ATP2A2: variants seen among roughly 807,000 people sequenced by gnomAD.
ATP2A2 encodes the protein sarcoplasmic/endoplasmic reticulum calcium ATPase 2.
ATP2A2 carries 14 observed loss-of-function variants against 109.3 expected under a neutral mutation model. The ratio of observed to expected loss-of-function variants is 0.13; its 90% CI spans 0.08 to 0.20. The LOEUF is 0.20. Ranked by LOEUF, ATP2A2 falls within the 10% of genes least tolerant of loss-of-function variation. The pLI, the probability that ATP2A2 is intolerant of heterozygous loss-of-function variation, is 1.00. For synonymous variants in ATP2A2, 506 were observed against 490.9 expected (o/e 1.03, Z -0.41); for missense variants, 657 against 1,321.6 (o/e 0.50, Z 7.80).
chr12:110,336,806 T>C (rs1405553591), intron 11 of ATP2A2, among the ~76,000 whole-genome samples: 1 of 152,234 alleles, frequency 6.6e-6, no homozygotes, highest in East Asian at 1.9e-4. Flanking sequence ...CTTTGGCTTC[T>C]TCCCTCTACC....
chr12:110,307,538 T>C (rs564678215), intron 5 of ATP2A2, among the ~76,000 whole-genome samples: 1 of 152,302 alleles, frequency 6.6e-6, no homozygotes, highest in East Asian at 1.9e-4. Context: ...CCAGCAATAA[T>C]AGTCACTCTG....
At position 110,342,950 on chromosome 12, in the gene ATP2A2, G is replaced by GCACCAGC. The variant is rs1256570953; in HGVS notation, c.2319-281_2319-280insACCAGCC. 6.6e-6 allele frequency among the ~76,000 whole-genome samples: 1 copy of GCACCAGC among 152,004 alleles called. No homozygotes were observed. Among genetic ancestry groups the GCACCAGC allele is most frequent in the Admixed American group, 6.6e-5 (1 of 15,252 alleles). On this transcript the variant is annotated intron_variant, in intron 15 of 19. Coordinates refer to ENST00000539276, the MANE Select transcript of ATP2A2 (RefSeq NM_170665.4). This position sits in a 1 kb window ranked among gnomAD's most constrained non-coding sequence, Gnocchi z 4.6. ...AATGAGGTTTCACCATGTTGCCCAG[G>GCACCAGC]CTGGTCTCTTAACTGCTGAGCTCAG...
rs961144970 is a variant in ATP2A2 at position 110,348,064 on chromosome 12, A to G, written c.*1594A>G. 8.1e-6 allele frequency: 8 copies of G among 986,396 alleles called. No homozygotes were observed. Among genetic ancestry groups the G allele is most frequent in the South Asian group, 4.7e-5 (1 of 21,332 alleles). 61.1% of individuals were successfully genotyped at this position (986,396 alleles called of 1,614,324 possible). ...AAGCCAGACAAAAGCCGGAGTGGGG[A>G]GAGAGGCATTTCAGCCAGACCAACA... On this transcript the variant is annotated 3_prime_UTR_variant, in exon 20 of 20. Coordinates refer to ENST00000539276, the MANE Select transcript of ATP2A2 (RefSeq NM_170665.4).
rs770136796 is a variant in ATP2A2 at position 110,350,272 on chromosome 12, CCT to C, written c.*3809_*3810del. On this transcript the variant is annotated 3_prime_UTR_variant, in exon 20 of 20. Transcript: ENST00000539276. ...TCTCTGTATTTCATGAAGCTGATTT[CCT>C]CTCTCTTTCCTTTTCAGCAATACTG... 93 of 1,614,056 alleles carry C rather than the reference CCT, an allele frequency of 5.8e-5. No homozygotes were observed. The highest frequency in any genetic ancestry group is 1.3e-4 in the Admixed American group (8 of 60,008).
intron 3 of ATP2A2, among the ~76,000 whole-genome samples, chr12:110,290,715 C>G (rs1335279837): frequency 1.3e-5 from 2 of 151,540 alleles, no homozygotes; most frequent in Non-Finnish European, 2.9e-5. Flanking sequence ...AGCGATTCTC[C>G]TGCCTCAGCT....
intron 3 of ATP2A2, among the ~76,000 whole-genome samples, chr12:110,287,040 G>A (rs1019993822): frequency 6.6e-6 from 1 of 152,104 alleles, no homozygotes; most frequent in East Asian, 1.9e-4. Flanking sequence ...ATCATTTGAG[G>A]TCAGGAGTTC....
rs759218735 is a variant in ATP2A2, at chr12:110,339,768, G to C, written c.1761+47G>C. On this transcript the variant is annotated intron_variant, in intron 13 of 19. Transcript: ENST00000539276. The surrounding 1 kb of genome is among the most constrained non-coding windows in gnomAD (Gnocchi z 4.4). The stretch of plus-strand genomic sequence containing the variant: ...TTGTCCACACCCTGCACGATTCATT[G>C]TGTTTAAACAGTACTCCTTCAAGCA... 10 of 1,579,524 alleles carry C rather than the reference G, an allele frequency of 6.3e-6. No individual in the cohort carries two copies. The South Asian group carries it at 1.1e-4, about 18-fold the overall frequency.
chr12:110,296,570 T>C (rs1873983348), intron 4 of ATP2A2, 29 bp from the exon 5 acceptor site: 1 of 1,613,894 alleles, frequency 6.2e-7, no homozygotes, highest in African/African-American at 1.3e-5. Flanking sequence ...AGGCAGGTCT[T>C]TACTACTCTT....
At chr12:110,338,740 C>T (rs947917194) in intron 11 of ATP2A2, among the ~76,000 whole-genome samples, 3 of 152,204 alleles carry the variant, frequency 2.0e-5, no homozygotes, top group African/African-American at 7.2e-5. Context: ...AGCTTGAGAC[C>T]CTCCGTTGTC....
rs1241765078 is a variant in ATP2A2 at position 110,346,632 on chromosome 12, A to C, written c.*162A>C. On this transcript the variant is annotated 3_prime_UTR_variant, in exon 20 of 20. Transcript: ENST00000539276. ...TTGCTTTTTCTGACTCCAGTGGGGC[A>C]AGATTTTCCTTTTTTATACACATAA... is the stretch of plus-strand genomic sequence containing the variant. The C allele has an allele frequency of 6.8e-7, 1 of 1,473,610 alleles. No homozygotes were observed. Among genetic ancestry groups the C allele is most frequent in the African/African-American group, 1.4e-5 (1 of 70,622 alleles). 91.3% of individuals were successfully genotyped at this position (1,473,610 alleles called of 1,614,324 possible).
chr12:110,326,271 C>T (rs1368587719), intron 6 of ATP2A2, 119 bp from the exon 7 acceptor site: 2 of 971,512 alleles, frequency 2.1e-6, no homozygotes, highest in Non-Finnish European at 3.2e-6. Context: ...GGCCTTTTGC[C>T]AACCTTTTCT....
chr12:110,288,990 G>T (rs530962610), intron 3 of ATP2A2, among the ~76,000 whole-genome samples: 1 of 152,282 alleles, frequency 6.6e-6, no homozygotes, highest in African/African-American at 2.4e-5. Flanking sequence ...CAATAGATCA[G>T]AACTGTGAAG....
intron 5 of ATP2A2, among the ~76,000 whole-genome samples, chr12:110,320,719 G>A (rs189833488): frequency 6.9e-4 from 105 of 152,296 alleles, no homozygotes; most frequent in Admixed American, 1.3e-3. Context: ...TTTCCAGCAG[G>A]AATTTCACCT....
rs560890518 is a variant in ATP2A2 at position 110,340,301 on chromosome 12, G to A, written c.1762-358G>A. The stretch of plus-strand genomic sequence containing the variant: ...TGCCTGTAATCTCAGCACTTTGGGA[G>A]GCCGAGGCTGGCAGATCACCTGGGG... On this transcript the variant is annotated intron_variant, in intron 13 of 19. Coordinates refer to ENST00000539276, the MANE Select transcript of ATP2A2 (RefSeq NM_170665.4). This position sits in a 1 kb window ranked among gnomAD's most constrained non-coding sequence, Gnocchi z 6.0. Among the ~76,000 whole-genome samples, 215 of 152,204 alleles carry A rather than the reference G, an allele frequency of 1.4e-3. 2 individuals carry two copies. Among genetic ancestry groups the A allele is most frequent in the Non-Finnish European group, 2.7e-3 (184 of 68,018 alleles).
In ATP2A2 at chr12:110,346,161, G is replaced by C. The variant is rs368699399; in HGVS notation, c.2860-40G>C. On this transcript the variant is annotated intron_variant, in intron 19 of 19. Transcript: ENST00000539276. ...GCTTGGGACCAGCCACCTCCTTCCA[G>C]GGGAGGCTGGAGGCGTGACACGTCT... 3.1e-6 allele frequency: 5 copies of C among 1,614,028 alleles called. No individual in the cohort carries two copies. In the African/African-American group the frequency reaches 6.7e-5, roughly 22 times the overall value.
At chr12:110,328,567 CAAAG>C (rs1566230062) in intron 8 of ATP2A2, among the ~76,000 whole-genome samples, 1 of 152,020 alleles carries the variant, frequency 6.6e-6, no homozygotes, top group African/African-American at 2.4e-5. Context: ...GACTCCATCT[CAAAG>C]AAAAGAAAAG....
chr12:110,326,714 C>T (rs1304764942), intron 7 of ATP2A2, among the ~76,000 whole-genome samples: 1 of 152,124 alleles, frequency 6.6e-6, no homozygotes, highest in African/African-American at 2.4e-5. Flanking sequence ...AAACTCTTAC[C>T]TGCAAACATA....
At chr12:110,318,588 T>C (rs1876911802) in intron 5 of ATP2A2, among the ~76,000 whole-genome samples, 1 of 152,134 alleles carries the variant, frequency 6.6e-6, no homozygotes, top group Non-Finnish European at 1.5e-5. Flanking sequence ...ATAGTCTTGC[T>C]TTAGCCTCCC....
chr12:110,345,913 CTGAAG>C (rs1879803792), intron 18 of ATP2A2, 83 bp from the exon 19 acceptor site: 2 of 1,314,380 alleles, frequency 1.5e-6, no homozygotes, highest in East Asian at 2.3e-5. Flanking sequence ...AGCCGCCTTA[CTGAAG>C]TGTAGTCCAA....
Sources: allele counts gnomAD v4.1 joint callset (sites outside exome capture counted in the v4.1 genomes callset), GRCh38; gene constraint gnomAD v4.1.1; non-coding constraint Gnocchi (gnomAD v3.1); transcripts MANE v1.5; gene names NCBI Gene and HGNC (gene_info 2026-07-23, HGNC 2026-07-21).